SLC12A8: variants seen among roughly 807,000 people sequenced by gnomAD.
The protein encoded by SLC12A8 is solute carrier family 12 member 8.
A neutral mutation model predicts 75.6 loss-of-function variants in SLC12A8; 69 were observed. The ratio of observed to expected loss-of-function variants is 0.91; its 90% CI spans 0.75 to 1.11. SLC12A8 has a LOEUF of 1.11. Among genes scored for constraint, SLC12A8 ranks in the 50% most tolerant of loss-of-function variants. SLC12A8 has a pLI of 0.00. For missense variants in SLC12A8, 877 were observed against 896.7 expected (o/e 0.98, Z 0.28); for synonymous variants, 365 against 372.8 (o/e 0.98, Z 0.24).
intron 2 of SLC12A8, among the ~76,000 whole-genome samples, chr3:125,198,204 C>A (rs1280364048): frequency 1.8e-5 from 2 of 113,824 alleles, no homozygotes; most frequent in African/African-American, 3.1e-5. Flanking sequence ...TACAAAAAAA[C>A]AAAAATAAGA....
At chr3:125,159,928 A>C (rs1934132018) in intron 5 of SLC12A8, among the ~76,000 whole-genome samples, 1 of 152,176 alleles carries the variant, frequency 6.6e-6, no homozygotes, top group Non-Finnish European at 1.5e-5. Flanking sequence ...GTGGAGATGC[A>C]ACTGGAAAGA....
intron 5 of SLC12A8, among the ~76,000 whole-genome samples, chr3:125,144,301 A>G (rs1438230336): frequency 2.6e-5 from 4 of 152,102 alleles, no homozygotes; most frequent in African/African-American, 9.7e-5. Context: ...TTTTTCAGGG[A>G]AGGAAACTGA....
At chr3:125,110,019 C>A (rs536232360) in intron 9 of SLC12A8, among the ~76,000 whole-genome samples, 170 bp downstream of exon 9, 20 of 152,236 alleles carry the variant, frequency 1.3e-4, no homozygotes, top group African/African-American at 4.8e-4. Flanking sequence ...TAACCTAAGC[C>A]AGCCAGAGGA....
chr3:125,208,787 C>CAGAGAG (rs1560087661), intron 2 of SLC12A8, among the ~76,000 whole-genome samples: 1 of 106,398 alleles, frequency 9.4e-6, no homozygotes, highest in Admixed American at 9.8e-5. Flanking sequence ...CACACACACA[C>CAGAGAG]ACACAGAGAG....
At chr3:125,159,048 C>A (rs6438881) in intron 5 of SLC12A8, among the ~76,000 whole-genome samples, 17,779 of 152,028 alleles carry the variant, frequency 0.12, 2,204 homozygotes, top group African/African-American at 0.31. Flanking sequence ...GCAAGACAGA[C>A]AATGATCTCT....
At chr3:125,122,866 G>A (rs1054788048) in intron 6 of SLC12A8, among the ~76,000 whole-genome samples, 3 of 152,104 alleles carry the variant, frequency 2.0e-5, no homozygotes, top group Non-Finnish European at 1.5e-5. Flanking sequence ...AGGATACAGA[G>A]AGAATTTGGA....
At position 125,091,496 on chromosome 3, in the gene SLC12A8, C is replaced by T; in HGVS notation, c.1864G>A (p.Gly622Ser). Residue 622 changes from glycine to serine, a missense_variant, in exon 12 of 14, where the codon GGT (glycine) becomes AGT (serine). Physicochemically the swap from Gly to Ser is moderately conservative, Grantham distance 56. Coordinates refer to ENST00000469902, the MANE Select transcript of SLC12A8 (RefSeq NM_024628.6). ...TAGAAATACACGATGGCAGCAACAC[C>T]CATGTTAACCAGGGTATACACCCAC... ...IQWVYTLVNM[G>S]VAAIVYFYIG... 1 of 1,613,954 alleles carries T rather than the reference C, an allele frequency of 6.2e-7. No homozygotes were observed. Among genetic ancestry groups the T allele is most frequent in the Non-Finnish European group, 8.5e-7 (1 of 1,179,912 alleles).
intron 3 of SLC12A8, among the ~76,000 whole-genome samples, chr3:125,189,709 G>A (rs908132574): frequency 4.6e-5 from 7 of 152,168 alleles, no homozygotes; most frequent in African/African-American, 7.2e-5. Context: ...TTTGTTCTGC[G>A]CACCTGTGTG....
intron 4 of SLC12A8, among the ~76,000 whole-genome samples, chr3:125,185,440 A>C (rs1049010026): frequency 2.6e-5 from 4 of 152,144 alleles, no homozygotes; most frequent in African/African-American, 7.2e-5. Context: ...GAAAATCAGA[A>C]TATGCCTATA....
rs575829596 is a variant in SLC12A8 at position 125,108,022 on chromosome 3, G to C, written c.1164C>G (p.Thr388=). 13 of 1,614,182 alleles carry C rather than the reference G, an allele frequency of 8.1e-6. No homozygotes were observed. In the African/African-American group the frequency reaches 1.5e-4, roughly 18 times the overall value. Reference sequence around the variant, plus strand: ...CAACGTATGTCAGCATGAAGTTGATGGTGACGATGGGGGCCAGAACGTTCA... The same window carrying C: ...CAACGTATGTCAGCATGAAGTTGATCGTGACGATGGGGGCCAGAACGTTCA... ...GQVNVLAPIV[T]INFMLTYVAV... The change falls in exon 10 of 14, where the codon ACC becomes ACG. Residue 388 remains threonine, a synonymous_variant. Transcript: ENST00000469902.
At chr3:125,150,225 A>G (rs1933886393) in intron 5 of SLC12A8, among the ~76,000 whole-genome samples, 1 of 152,200 alleles carries the variant, frequency 6.6e-6, no homozygotes. Context: ...GTTGTATTCA[A>G]GTCTTCACAT....
intron 5 of SLC12A8, among the ~76,000 whole-genome samples, chr3:125,173,452 C>CTAAATAAAAAAAA (rs1934449830): frequency 1.3e-5 from 1 of 79,626 alleles, no homozygotes; most frequent in Non-Finnish European, 2.2e-5. Context: ...ATTCATGAGC[C>CTAAATAAAAAAAA]AAAAAAAAAA....
intron 5 of SLC12A8, among the ~76,000 whole-genome samples, chr3:125,162,370 C>T (rs1263385683): frequency 6.6e-6 from 1 of 152,224 alleles, no homozygotes; most frequent in African/African-American, 2.4e-5. Context: ...TGGAGCAACC[C>T]TGGCACCTGG....
chr3:125,114,136 T>C (rs1025786041), intron 8 of SLC12A8, among the ~76,000 whole-genome samples: 3 of 152,136 alleles, frequency 2.0e-5, no homozygotes, highest in African/African-American at 7.2e-5. Context: ...CAACTTTCAG[T>C]CAAGTTTTAC....
chr3:125,205,227 C>T (rs1036655386), intron 2 of SLC12A8, among the ~76,000 whole-genome samples: 1 of 152,194 alleles, frequency 6.6e-6, no homozygotes, highest in African/African-American at 2.4e-5. Flanking sequence ...CCCTGAGCAT[C>T]CCTGGTGCTT....
At chr3:125,115,730 A>C (rs1253203132) in intron 8 of SLC12A8, among the ~76,000 whole-genome samples, 1 of 151,684 alleles carries the variant, frequency 6.6e-6, no homozygotes, top group African/African-American at 2.4e-5. Context: ...CCCCCGAGAG[A>C]GAGGAGTGCA....
chr3:125,120,968 G>C lies in SLC12A8; in HGVS notation c.737-282C>G, dbSNP rs540979256. The C allele has an allele frequency of 1.0e-5, 7 of 668,280 alleles. No individual in the cohort carries two copies. The Admixed American group carries it at 1.1e-4, about 10-fold the overall frequency. 41.4% of individuals were successfully genotyped at this position (668,280 alleles called of 1,614,324 possible). A position where few individuals can be genotyped will look rare whatever the true frequency, so the allele number is the denominator to read the frequency against. ...CGCTCAGCGCAAAGCAACCAGGGGGGAGGAAAGCGGCTTGCAAGGCACACA... is the reference window on the plus strand; with the variant it reads ...CGCTCAGCGCAAAGCAACCAGGGGGCAGGAAAGCGGCTTGCAAGGCACACA... On this transcript the variant is annotated intron_variant, in intron 6 of 13. Coordinates refer to ENST00000469902, the MANE Select transcript of SLC12A8 (RefSeq NM_024628.6).
chr3:125,160,287 C>T (rs943664690), intron 5 of SLC12A8, among the ~76,000 whole-genome samples: 2 of 152,182 alleles, frequency 1.3e-5, no homozygotes, highest in Non-Finnish European at 2.9e-5. Flanking sequence ...AGGTACTCAC[C>T]TCTCACCACC....
intron 2 of SLC12A8, among the ~76,000 whole-genome samples, chr3:125,208,494 C>A (rs1935268163): frequency 6.6e-6 from 1 of 152,064 alleles, no homozygotes. Flanking sequence ...TGACCAGGAA[C>A]CAAGCACTAT....
Sources: gnomAD v4.1 joint callset for allele counts (sites outside exome capture counted in the v4.1 genomes callset) on GRCh38, gnomAD v4.1.1 for gene constraint, MANE v1.5 for transcripts, NCBI Gene and HGNC (gene_info 2026-07-23, HGNC 2026-07-21) for gene names.